NPAS3: variants seen among roughly 807,000 people sequenced by gnomAD.
The protein encoded by NPAS3 is neuronal PAS domain-containing protein 3.
Under a neutral mutation model 73.1 loss-of-function variants are expected in NPAS3, and 14 were observed. That is an observed-to-expected ratio of 0.19 (90% CI 0.13 to 0.30). The LOEUF is 0.30. NPAS3 is among the 10% of genes least tolerant of loss of function. NPAS3 has a pLI of 1.00. For missense variants in NPAS3, 1,096 were observed against 1,250.0 expected, an observed-to-expected ratio of 0.88 and a Z score of 1.86; for synonymous variants, 620 against 541.5, an observed-to-expected ratio of 1.14 and a Z score of -2.01.
At chr14:33,417,589 T>C (rs964003295) in intron 4 of NPAS3, among the ~76,000 whole-genome samples, 1 of 152,078 alleles carries the variant, frequency 6.6e-6, no homozygotes, top group South Asian at 2.1e-4. Flanking sequence ...TTTTGAGGAA[T>C]AAATGCACCA....
At position 33,049,511 on chromosome 14, in the gene NPAS3, G is replaced by A. The variant is rs376638656; in HGVS notation, c.51-6394G>A. 4.2e-4 allele frequency among the ~76,000 whole-genome samples: 64 copies of A among 152,278 alleles called. No homozygotes were observed. In the Middle Eastern group the frequency reaches 0.01, roughly 24 times the overall value. On this transcript the variant is annotated intron_variant, in intron 1 of 11. Transcript: ENST00000356141. ...TACGTGGATGGCGGCAGGCAAAGAC[G>A]AGGGCTTATGCAGAGAAATTCCCAT...
intron 3 of NPAS3, among the ~76,000 whole-genome samples, chr14:33,353,543 G>T (rs945194950): frequency 6.6e-6 from 1 of 152,322 alleles, no homozygotes; most frequent in Middle Eastern, 3.4e-3. Flanking sequence ...GCAAAGTGAT[G>T]GATAGTATTG....
intron 2 of NPAS3, among the ~76,000 whole-genome samples, chr14:33,137,100 A>G (rs191161488): frequency 5.3e-4 from 81 of 152,370 alleles, no homozygotes; most frequent in African/African-American, 1.8e-3. Flanking sequence ...ATTATGAAGA[A>G]TTATTTGCTA....
At chr14:32,937,169 T>A (rs989477882), upstream of NPAS3, among the ~76,000 whole-genome samples, 2 of 151,914 alleles carry the variant, frequency 1.3e-5, no homozygotes, top group Non-Finnish European at 2.9e-5. Flanking sequence ...GGAGGTAGGG[T>A]CTGAGTCAGG....
chr14:33,315,201 G>T (rs886901974), intron 3 of NPAS3, among the ~76,000 whole-genome samples: 7 of 152,006 alleles, frequency 4.6e-5, no homozygotes, highest in African/African-American at 1.7e-4. Context: ...GTCTCAGGGA[G>T]CCAGCAAACA....
chr14:33,261,617 C>G (rs533612268), intron 3 of NPAS3, among the ~76,000 whole-genome samples: 1 of 152,230 alleles, frequency 6.6e-6, no homozygotes, highest in South Asian at 2.1e-4. Flanking sequence ...TATTTTGACT[C>G]TTTTAGGTAT....
intron 3 of NPAS3, among the ~76,000 whole-genome samples, chr14:33,346,034 C>A (rs564225182): frequency 6.6e-6 from 1 of 151,894 alleles, no homozygotes; most frequent in African/African-American, 2.4e-5. Context: ...AGTTCGAGAC[C>A]AGCCTGGCCA....
intron 7 of NPAS3, among the ~76,000 whole-genome samples, chr14:33,745,346 C>A (rs1463433526): frequency 2.6e-5 from 4 of 152,216 alleles, no homozygotes; most frequent in Non-Finnish European, 5.9e-5. Flanking sequence ...CAAAATTACT[C>A]TACTGAAGAG....
At chr14:33,254,769 G>A (rs2048714323) in intron 3 of NPAS3, among the ~76,000 whole-genome samples, 1 of 152,064 alleles carries the variant, frequency 6.6e-6, no homozygotes, top group Non-Finnish European at 1.5e-5. Flanking sequence ...ATTTTTCATT[G>A]GCCAAAATTC....
chr14:33,142,864 G>A (rs2044104165), intron 2 of NPAS3, among the ~76,000 whole-genome samples: 1 of 152,156 alleles, frequency 6.6e-6, no homozygotes, highest in African/African-American at 2.4e-5. Flanking sequence ...CACTTGGGAA[G>A]GCCCAGGCAG....
intron 8 of NPAS3, among the ~76,000 whole-genome samples, chr14:33,775,367 G>A (rs1301440164): frequency 6.6e-6 from 1 of 152,140 alleles, no homozygotes; most frequent in Admixed American, 6.5e-5. Flanking sequence ...TCAATTTGGG[G>A]AGGATGCTTT....
chr14:33,097,903 T>A (rs1354030544), intron 2 of NPAS3, among the ~76,000 whole-genome samples: 1 of 152,174 alleles, frequency 6.6e-6, no homozygotes, highest in Admixed American at 6.5e-5. Context: ...TAGATACAGA[T>A]CTTTTTATAC....
intron 3 of NPAS3, among the ~76,000 whole-genome samples, chr14:33,244,725 A>G (rs1198174672): frequency 6.6e-6 from 1 of 152,148 alleles, no homozygotes. Context: ...ATACCACTTT[A>G]CCAGAGCCTT....
intron 4 of NPAS3, among the ~76,000 whole-genome samples, chr14:33,486,824 C>A (rs1595006128): frequency 6.6e-6 from 1 of 152,316 alleles, no homozygotes; most frequent in African/African-American, 2.4e-5. Context: ...CCTCATCAAT[C>A]CAGACCAAAC....
In NPAS3 at chr14:33,186,641, C is replaced by T. The variant is rs927033425; in HGVS notation, c.141-28541C>T. Among the ~76,000 whole-genome samples the T allele has an allele frequency of 5.9e-5, 9 of 152,260 alleles. 1 individual carries two copies. In the South Asian group the frequency reaches 1.0e-3, roughly 18 times the overall value. On this transcript the variant is annotated intron_variant, in intron 2 of 11. Transcript: ENST00000356141. ...TTTCTGTCTCAGTGCATGGTATCAC[C>T]GCTTGTTCAGCTGTATAATCAGAAA...
intron 2 of NPAS3, among the ~76,000 whole-genome samples, chr14:33,085,532 G>C (rs2041994889): frequency 6.6e-6 from 1 of 152,186 alleles, no homozygotes; most frequent in East Asian, 1.9e-4. Context: ...CTCGTAGAAT[G>C]ATTCATTCAC....
At chr14:33,488,685 A>G (rs751688864) in intron 4 of NPAS3, among the ~76,000 whole-genome samples, 6 of 152,144 alleles carry the variant, frequency 3.9e-5, no homozygotes, top group Non-Finnish European at 8.8e-5. Context: ...GTTCCCTGTT[A>G]TGCCTATGAG....
chr14:33,147,545 G>A (rs2044276219), intron 2 of NPAS3, among the ~76,000 whole-genome samples: 1 of 150,682 alleles, frequency 6.6e-6, no homozygotes. Context: ...GCCGCACTTG[G>A]ACACAGGAAG....
chr14:33,081,410 G>A (rs1355929890), intron 2 of NPAS3, among the ~76,000 whole-genome samples: 1 of 152,020 alleles, frequency 6.6e-6, no homozygotes, highest in Non-Finnish European at 1.5e-5. Context: ...GTACTAAAGT[G>A]TGTGTGAGCA....
Sources: allele counts gnomAD v4.1 joint callset (sites outside exome capture counted in the v4.1 genomes callset), GRCh38; gene constraint gnomAD v4.1.1; transcripts MANE v1.5; gene names NCBI Gene and HGNC (gene_info 2026-07-23, HGNC 2026-07-21).